Variants in TENT2 observed in about 807,000 individuals in gnomAD.
The protein encoded by TENT2 is terminal nucleotidyltransferase 2.
A neutral mutation model predicts 72.2 loss-of-function variants in TENT2; 44 were observed. The ratio of observed to expected loss-of-function variants is 0.61; its 90% CI spans 0.48 to 0.78. TENT2 has a LOEUF of 0.78. Among genes scored for constraint, TENT2 ranks in the 30% least tolerant of loss-of-function variants. The pLI is 0.00. For synonymous variants in TENT2, 212 were observed against 192.5 expected (o/e 1.10, Z -0.84); for missense variants, 541 against 569.6 (o/e 0.95, Z 0.51).
intron 5 of TENT2, 43 bp from the exon 6 acceptor site, chr5:79,641,061 CT>C: frequency 6.7e-7 from 1 of 1,503,030 alleles, no homozygotes; most frequent in Non-Finnish European, 8.9e-7. Flanking sequence ...CATGCACCTA[CT>C]TTAGATTTTA....
chr5:79,629,704 G>A (rs1243812097), intron 4 of TENT2, among the ~76,000 whole-genome samples: 1 of 151,282 alleles, frequency 6.6e-6, no homozygotes, highest in Non-Finnish European at 1.5e-5. Context: ...GCGGGTGCCT[G>A]TAGTCCCAGC....
At chr5:79,633,432 GTTTTTTTTTTT>G (rs539713889) in intron 4 of TENT2, among the ~76,000 whole-genome samples, 3 of 80,368 alleles carry the variant, frequency 3.7e-5, no homozygotes, top group South Asian at 5.0e-4. Flanking sequence ...CAGCTAAAAA[GTTTTTTTTTTT>G]TTTTTTTTTT....
Position 79,623,265 on chromosome 5 carries a change from G to GA in TENT2, c.248dup (p.Asn83LysfsTer5), listed in dbSNP as rs1766611183. ...GCTTGTTTTCAGGAGATTAAGCGAT[G>GA]AAAAAAACCTTCCTCTTGACGGTAA... On this transcript the variant is annotated frameshift_variant, in exon 4 of 15. Coordinates refer to ENST00000453514, the MANE Select transcript of TENT2 (RefSeq NM_001114394.3). LOFTEE classifies it high-confidence loss of function. The GA allele has an allele frequency of 6.2e-7, 1 of 1,611,416 alleles. No individual in the cohort carries two copies.
intron 1 of TENT2, among the ~76,000 whole-genome samples, chr5:79,617,338 A>G (rs1448747317): frequency 6.6e-6 from 1 of 151,814 alleles, no homozygotes; most frequent in Non-Finnish European, 1.5e-5. Context: ...CAGTATATTC[A>G]TTCTTTGTAA....
At chr5:79,656,763 A>T (rs1798260375) in intron 10 of TENT2, 195 bp from the exon 11 acceptor site, 1 of 495,650 alleles carries the variant, frequency 2.0e-6, no homozygotes, top group Admixed American at 3.6e-5. Context: ...TTTATTAATA[A>T]AACCTTAGTT....
At chr5:79,631,218 A>G (rs754888735) in intron 4 of TENT2, among the ~76,000 whole-genome samples, 3 of 152,176 alleles carry the variant, frequency 2.0e-5, no homozygotes, top group Non-Finnish European at 4.4e-5. Flanking sequence ...CTCTGGGGCA[A>G]AATTGCCCTA....
chr5:79,685,286 T>A lies in TENT2; in HGVS notation c.*13T>A. 6.5e-7 allele frequency: 1 copy of A among 1,536,292 alleles called. No homozygotes were observed. The highest frequency in any genetic ancestry group is 8.8e-7 in the Non-Finnish European group (1 of 1,131,448). The stretch of plus-strand genomic sequence containing the variant: ...CCTGAAAAGATAACTGGCCTCTATT[T>A]CTTAATAAATTCTTCCAAGAAATAA... On this transcript the variant is annotated 3_prime_UTR_variant, in exon 15 of 15. Transcript: ENST00000453514.
chr5:79,675,667 A>G (rs142698055), intron 12 of TENT2, among the ~76,000 whole-genome samples: 193 of 152,294 alleles, frequency 1.3e-3, no homozygotes, highest in African/African-American at 4.3e-3. Flanking sequence ...ACTAAGTTCA[A>G]TGCAGCAAGA....
intron 4 of TENT2, among the ~76,000 whole-genome samples, chr5:79,637,243 T>G (rs915006560): frequency 2.6e-5 from 4 of 151,988 alleles, no homozygotes; most frequent in Non-Finnish European, 4.4e-5. Flanking sequence ...AAAAAAAAAT[T>G]GTTGCTCAGT....
intron 12 of TENT2, among the ~76,000 whole-genome samples, chr5:79,679,056 C>A (rs1052686112): frequency 1.3e-5 from 2 of 152,158 alleles, no homozygotes; most frequent in African/African-American, 4.8e-5. Flanking sequence ...CAGGTGCACG[C>A]TACTGCGCCT....
intron 1 of TENT2, chr5:79,614,959 G>A (rs1758420121): frequency 6.6e-6 from 1 of 152,148 alleles, no homozygotes; most frequent in African/African-American, 2.4e-5. Flanking sequence ...GGTGAGCATA[G>A]AACGAATGCG....
chr5:79,648,830 A>G, intron 9 of TENT2, 137 bp downstream of exon 9: 1 of 805,140 alleles, frequency 1.2e-6, no homozygotes, highest in Non-Finnish European at 1.9e-6. Context: ...ATGTTGCTAC[A>G]CTAAAATCAT....
intron 11 of TENT2, among the ~76,000 whole-genome samples, chr5:79,667,622 G>A (rs1181200163): frequency 6.6e-6 from 1 of 152,106 alleles, no homozygotes; most frequent in African/African-American, 2.4e-5. Context: ...AATTTGGTTG[G>A]AATAGAATTT....
At chr5:79,682,744 C>T (rs62365241) in intron 14 of TENT2, among the ~76,000 whole-genome samples, 3,004 of 152,200 alleles carry the variant, frequency 0.02, 29 homozygotes, top group Middle Eastern at 0.034. Context: ...CCCACTGTCA[C>T]AGGAATTAGA....
At chr5:79,678,820 G>T (rs1430983909) in intron 12 of TENT2, among the ~76,000 whole-genome samples, 3 of 152,202 alleles carry the variant, frequency 2.0e-5, no homozygotes, top group Admixed American at 1.3e-4. Flanking sequence ...GATTACTTCT[G>T]TCTTAACAAA....
rs951861465 is a variant in TENT2 at position 79,685,840 on chromosome 5, G to C, written c.*567G>C. 6.5e-6 allele frequency: 1 copy of C among 152,736 alleles called. No homozygotes were observed. Among genetic ancestry groups the C allele is most frequent in the Non-Finnish European group, 1.5e-5 (1 of 68,184 alleles). 9.5% of individuals were successfully genotyped at this position (152,736 alleles called of 1,614,324 possible). On this transcript the variant is annotated 3_prime_UTR_variant, in exon 15 of 15. Transcript: ENST00000453514. ...TCACTGGGATAGACTGAGGCTTTGG[G>C]TGTGTCTGTATTAGCATTTCATTAG...
intron 1 of TENT2, among the ~76,000 whole-genome samples, chr5:79,617,917 C>T (rs1294458374): frequency 6.6e-6 from 1 of 152,102 alleles, no homozygotes; most frequent in Non-Finnish European, 1.5e-5. Flanking sequence ...TATACCTTGA[C>T]ATGTAACTTT....
chr5:79,628,017 G>A (rs2404462), intron 4 of TENT2, among the ~76,000 whole-genome samples: 30,539 of 152,024 alleles, frequency 0.2, 4,584 homozygotes, highest in African/African-American at 0.42. Flanking sequence ...AACTTGCTCA[G>A]GGTTACAGCT....
intron 12 of TENT2, among the ~76,000 whole-genome samples, chr5:79,678,028 T>G (rs1818621803): frequency 6.6e-6 from 1 of 152,200 alleles, no homozygotes; most frequent in Non-Finnish European, 1.5e-5. Flanking sequence ...TTGGAGTCTG[T>G]ACTAATGAAC....
Sources: gnomAD v4.1 joint callset for allele counts (sites outside exome capture counted in the v4.1 genomes callset) on GRCh38, gnomAD v4.1.1 for gene constraint, MANE v1.5 for transcripts, NCBI Gene and HGNC (gene_info 2026-07-23, HGNC 2026-07-21) for gene names.